The following ARHGAP22 variants were observed in gnomAD, a reference collection of about 807,000 sequenced individuals.
ARHGAP22 encodes the protein Rho GTPase activating protein 22, also known as rho GTPase-activating protein 22.
ARHGAP22 carries 48 observed loss-of-function variants against 59.1 expected under a neutral mutation model. The observed-to-expected ratio is 0.81, with a 90% CI of 0.64 to 1.03. The LOEUF is 1.03. Ranked by LOEUF, ARHGAP22 falls within the 50% of genes least tolerant of loss-of-function variation. The pLI, the probability that ARHGAP22 is intolerant of heterozygous loss-of-function variation, is 0.00. For synonymous variants in ARHGAP22, 445 were observed against 416.4 expected (o/e 1.07, Z -0.84); for missense variants, 1,015 against 958.7 (o/e 1.06, Z -0.78).
At chr10:48,436,716 C>T in the ARHGAP22 span, 2 of 152,150 alleles carry the variant, frequency 1.3e-5, no homozygotes, top group Non-Finnish European at 2.9e-5. Flanking sequence ...GATTAAAATA[C>T]ATTAGCTTTT....
intron 1 of ARHGAP22, among the ~76,000 whole-genome samples, chr10:48,623,481 T>G (rs1247009402): frequency 2.0e-5 from 3 of 152,358 alleles, no homozygotes; most frequent in African/African-American, 7.2e-5. Flanking sequence ...GATTGTCATC[T>G]AGGGCATACT....
chr10:48,594,601 T>G (rs1328671763), intron 1 of ARHGAP22, among the ~76,000 whole-genome samples: 2 of 151,966 alleles, frequency 1.3e-5, no homozygotes, highest in African/African-American at 4.8e-5. Context: ...TTCCCAGGGG[T>G]GGGTGGTGGT....
intron 3 of ARHGAP22, 67 bp from the exon 4 acceptor site, chr10:48,479,831 C>T: frequency 4.9e-6 from 7 of 1,441,786 alleles, no homozygotes; most frequent in Non-Finnish European, 5.5e-6. Flanking sequence ...ACCGCCGGCA[C>T]TAGTCAGCAT....
the ARHGAP22 span, among the ~76,000 whole-genome samples, chr10:48,434,519 G>A: frequency 0.017 from 2,658 of 152,242 alleles, 292 homozygotes; most frequent in Admixed American, 0.16. Flanking sequence ...CCAAAAAAAG[G>A]CATTACAGAC....
At chr10:48,578,115 G>C (rs779672198) in intron 2 of ARHGAP22, among the ~76,000 whole-genome samples, 9 of 152,006 alleles carry the variant, frequency 5.9e-5, no homozygotes, top group Non-Finnish European at 1.0e-4. Context: ...GGCCCTAACT[G>C]CTTTTTTTTA....
chr10:48,636,327 GTGTGCC>G (rs1345442267), intron 1 of ARHGAP22, among the ~76,000 whole-genome samples: 1 of 152,226 alleles, frequency 6.6e-6, no homozygotes, highest in Non-Finnish European at 1.5e-5. Context: ...CATGCTGTCT[GTGTGCC>G]TGTGTCCCAT....
At chr10:48,654,773 ACTTT>A (rs201340687), upstream of ARHGAP22, among the ~76,000 whole-genome samples, 9,354 of 111,700 alleles carry the variant, frequency 0.084, 419 homozygotes, top group Middle Eastern at 0.16. Context: ...CATGCTGATT[ACTTT>A]CTTTCTTTCT....
chr10:48,582,200 C>T (rs1424230402), intron 2 of ARHGAP22, among the ~76,000 whole-genome samples: 4 of 152,218 alleles, frequency 2.6e-5, no homozygotes, highest in Admixed American at 1.3e-4. Flanking sequence ...GATCTGCCCT[C>T]TCTGACTTGG....
chr10:48,622,681 T>C (rs2061324347), intron 1 of ARHGAP22, among the ~76,000 whole-genome samples: 1 of 152,240 alleles, frequency 6.6e-6, no homozygotes, highest in Admixed American at 6.5e-5. Context: ...CTTTATCTCT[T>C]TGTGCCTCTG....
intron 3 of ARHGAP22, among the ~76,000 whole-genome samples, chr10:48,516,643 A>G (rs1221134801): frequency 6.6e-6 from 1 of 152,264 alleles, no homozygotes; most frequent in East Asian, 1.9e-4. Flanking sequence ...ACCAACTCAA[A>G]AAGAAATTTA....
chr10:48,612,011 C>T (rs758889157), intron 1 of ARHGAP22, among the ~76,000 whole-genome samples: 14 of 151,250 alleles, frequency 9.3e-5, no homozygotes, highest in South Asian at 2.1e-4. Flanking sequence ...TTAGTAGAGA[C>T]GGGGTTTCAC....
intron 2 of ARHGAP22, among the ~76,000 whole-genome samples, chr10:48,577,747 C>T (rs1012814605): frequency 2.7e-5 from 4 of 147,736 alleles, no homozygotes; most frequent in African/African-American, 5.0e-5. Context: ...GGCGGGCAGT[C>T]ACCTCTTGGC....
At chr10:48,536,229 C>T (rs531079438) in intron 3 of ARHGAP22, among the ~76,000 whole-genome samples, 8 of 152,218 alleles carry the variant, frequency 5.3e-5, no homozygotes, top group Non-Finnish European at 1.2e-4. Context: ...ATGATGGGCA[C>T]AGGGTGGTAT....
intron 2 of ARHGAP22, among the ~76,000 whole-genome samples, chr10:48,573,144 A>G (rs567740686): frequency 1.4e-4 from 21 of 152,332 alleles, no homozygotes; most frequent in African/African-American, 4.6e-4. Flanking sequence ...GGTTGGAGCC[A>G]TGTCGCCTGC....
At position 48,446,410 on chromosome 10, in the gene ARHGAP22, C is replaced by A; in HGVS notation, c.2078G>T (p.Gly693Val). ...TLGSLTVGAK[G>V]ARAPK ...TTCCTTTTACTTTGGGGCCCTGGCA[C>A]CTTTTGCCCCAACAGTCAAGCTTCC... is the stretch of plus-strand genomic sequence containing the variant. The change falls in exon 10 of 10, where the codon GGT (glycine) becomes GTT (valine). Residue 693 changes from glycine (G) to valine (V), a missense_variant. Coordinates refer to ENST00000249601, the MANE Select transcript of ARHGAP22 (RefSeq NM_021226.4). 1 of 1,614,186 alleles carries A rather than the reference C, an allele frequency of 6.2e-7. No homozygotes were observed. The highest frequency in any genetic ancestry group is 1.1e-5 in the South Asian group (1 of 91,080).
intron 2 of ARHGAP22, among the ~76,000 whole-genome samples, chr10:48,558,508 C>A: frequency 6.6e-6 from 1 of 152,000 alleles, no homozygotes; most frequent in East Asian, 1.9e-4. Context: ...TAGGTGTATG[C>A]CACCATGCCT....
At chr10:48,601,386 G>C (rs1311098401) in intron 1 of ARHGAP22, among the ~76,000 whole-genome samples, 1 of 152,198 alleles carries the variant, frequency 6.6e-6, no homozygotes, top group East Asian at 1.9e-4. Context: ...CAAAACCCAG[G>C]AGTGTCCTAT....
intron 3 of ARHGAP22, among the ~76,000 whole-genome samples, chr10:48,531,900 G>C (rs1191264695): frequency 6.6e-6 from 1 of 152,178 alleles, no homozygotes; most frequent in African/African-American, 2.4e-5. Flanking sequence ...AGTTAAAAAA[G>C]ACAAGCCCTG....
At chr10:48,651,853 G>C (rs1394924415) in intron 1 of ARHGAP22, among the ~76,000 whole-genome samples, 1 of 152,094 alleles carries the variant, frequency 6.6e-6, no homozygotes, top group Non-Finnish European at 1.5e-5. Flanking sequence ...CCCTTGGCTG[G>C]ATCCTTTCCA....
Sources: gnomAD v4.1 joint callset for allele counts (sites outside exome capture counted in the v4.1 genomes callset) on GRCh38, gnomAD v4.1.1 for gene constraint, MANE v1.5 for transcripts, NCBI Gene and HGNC (gene_info 2026-07-23, HGNC 2026-07-21) for gene names.